MAN1A2: variants seen among roughly 807,000 people sequenced by gnomAD.
The protein encoded by MAN1A2 is mannosyl-oligosaccharide 1,2-alpha-mannosidase IB.
In MAN1A2, 26 loss-of-function variants were observed where a neutral mutation model predicts 75.7. The observed-to-expected ratio is 0.34, with a 90% CI of 0.25 to 0.48. MAN1A2 has a LOEUF of 0.48. Ranked by LOEUF, MAN1A2 falls within the 20% of genes least tolerant of loss-of-function variation. MAN1A2 has a pLI of 0.99. For missense variants in MAN1A2, 562 were observed against 775.5 expected, an observed-to-expected ratio of 0.72 and a Z score of 3.27; for synonymous variants, 247 against 264.6, an observed-to-expected ratio of 0.93 and a Z score of 0.65.
chr1:117,450,863 A>G (rs1465911674), intron 6 of MAN1A2, among the ~76,000 whole-genome samples: 1 of 152,178 alleles, frequency 6.6e-6, no homozygotes, highest in Non-Finnish European at 1.5e-5. Flanking sequence ...TCCAGGTAGA[A>G]GTTTGCTGCA....
intron 6 of MAN1A2, among the ~76,000 whole-genome samples, chr1:117,456,731 C>T (rs1481375720): frequency 6.6e-6 from 1 of 151,976 alleles, no homozygotes; most frequent in Non-Finnish European, 1.5e-5. Flanking sequence ...CTTTTGCTTT[C>T]ATTCAGAATA....
At chr1:117,469,037 G>A (rs1345740734) in intron 8 of MAN1A2, among the ~76,000 whole-genome samples, 1 of 152,018 alleles carries the variant, frequency 6.6e-6, no homozygotes, top group Non-Finnish European at 1.5e-5. Context: ...AGAATTGCCA[G>A]CCTTAAAATG....
chr1:117,489,015 T>G (rs1391585884), intron 8 of MAN1A2, among the ~76,000 whole-genome samples: 1 of 152,034 alleles, frequency 6.6e-6, no homozygotes, highest in Non-Finnish European at 1.5e-5. Flanking sequence ...TATAGATAAT[T>G]CTGAAATTTG....
chr1:117,468,413 T>C (rs567953033), intron 8 of MAN1A2, among the ~76,000 whole-genome samples: 1 of 152,254 alleles, frequency 6.6e-6, no homozygotes, highest in Non-Finnish European at 1.5e-5. Flanking sequence ...TTAAAGTTTA[T>C]TTACAATAAT....
intron 10 of MAN1A2, among the ~76,000 whole-genome samples, chr1:117,497,276 T>C (rs920606740): frequency 6.6e-6 from 1 of 152,014 alleles, no homozygotes; most frequent in Non-Finnish European, 1.5e-5. Flanking sequence ...TATAAGAATC[T>C]ATTTTTGCCA....
intron 12 of MAN1A2, among the ~76,000 whole-genome samples, chr1:117,518,292 T>C (rs1319629034): frequency 6.6e-6 from 1 of 152,032 alleles, no homozygotes; most frequent in African/African-American, 2.4e-5. Flanking sequence ...AAGATAAAAC[T>C]ATTTTTACTT....
At chr1:117,431,737 T>A (rs1348265709) in intron 5 of MAN1A2, among the ~76,000 whole-genome samples, 1 of 152,130 alleles carries the variant, frequency 6.6e-6, no homozygotes, top group Non-Finnish European at 1.5e-5. Flanking sequence ...TTGCTTGAGC[T>A]CAGGAGTTTA....
rs1397232747 is a variant in MAN1A2, at chr1:117,466,405, C to T, written c.1146C>T (p.Pro382=). 3.1e-6 allele frequency: 5 copies of T among 1,610,342 alleles called. No homozygotes were observed. The highest frequency in any genetic ancestry group is 4.2e-6 in the Non-Finnish European group (5 of 1,177,880). The stretch of plus-strand genomic sequence containing the variant: ...GTCTTTATCCAAATTATTTGAACCC[C>T]AGAACAGGGCGCTGGGGTCAGTGTA... ...PNGLYPNYLN[P]RTGRWGQYHT... is the part of the protein sequence containing the mutation. The change falls in exon 8 of 13, where the codon CCC becomes CCT. Residue 382 remains proline (P), a synonymous_variant. Coordinates refer to ENST00000356554, the MANE Select transcript of MAN1A2 (RefSeq NM_006699.5).
intron 5 of MAN1A2, among the ~76,000 whole-genome samples, chr1:117,428,112 T>C (rs1648438420): frequency 6.9e-6 from 1 of 144,102 alleles, no homozygotes; most frequent in East Asian, 2.0e-4. Context: ...TCTCTCTCTC[T>C]ATTTTTTTTT....
chr1:117,378,464 T>C (rs1385012616), intron 1 of MAN1A2, among the ~76,000 whole-genome samples: 2 of 152,234 alleles, frequency 1.3e-5, no homozygotes. Context: ...GCCTATTCAG[T>C]GATTAAACCT....
At chr1:117,373,502 T>G (rs1046276728) in intron 1 of MAN1A2, among the ~76,000 whole-genome samples, 13 of 150,540 alleles carry the variant, frequency 8.6e-5, no homozygotes, top group African/African-American at 2.0e-4. Flanking sequence ...TTTTTTTTTT[T>G]GGGTACATTC....
At chr1:117,391,920 C>G (rs1294326349) in intron 1 of MAN1A2, among the ~76,000 whole-genome samples, 1 of 152,104 alleles carries the variant, frequency 6.6e-6, no homozygotes, top group Non-Finnish European at 1.5e-5. Flanking sequence ...TGTTTAATCA[C>G]TTGCCTAAAT....
At chr1:117,477,053 C>T (rs1040350590) in intron 8 of MAN1A2, among the ~76,000 whole-genome samples, 1 of 151,788 alleles carries the variant, frequency 6.6e-6, no homozygotes, top group African/African-American at 2.4e-5. Flanking sequence ...GTTTGAATTC[C>T]TGGACACATA....
At chr1:117,485,248 T>TA (rs1650635840) in intron 8 of MAN1A2, among the ~76,000 whole-genome samples, 1 of 151,958 alleles carries the variant, frequency 6.6e-6, no homozygotes, top group African/African-American at 2.4e-5. Context: ...AATAAGAAGT[T>TA]AAGCATGTAT....
chr1:117,415,664 AT>A (rs59397164), intron 4 of MAN1A2, among the ~76,000 whole-genome samples: 92,314 of 151,506 alleles, frequency 0.61, 28,423 homozygotes, highest in Non-Finnish European at 0.65. Flanking sequence ...ATAGATATTT[AT>A]TTTTTTTTCA....
chr1:117,490,940 C>T (rs1029041554), intron 8 of MAN1A2, among the ~76,000 whole-genome samples: 2 of 150,492 alleles, frequency 1.3e-5, no homozygotes, highest in African/African-American at 4.9e-5. Flanking sequence ...TAGCTCTCTT[C>T]AATTCTGTGA....
chr1:117,376,739 G>A (rs1298409790), intron 1 of MAN1A2, among the ~76,000 whole-genome samples: 1 of 152,230 alleles, frequency 6.6e-6, no homozygotes, highest in Non-Finnish European at 1.5e-5. Context: ...TTCCACATGT[G>A]TGGATTCAAC....
At chr1:117,395,774 ACACAGTTCTT>A (rs1426725397) in intron 1 of MAN1A2, among the ~76,000 whole-genome samples, 1 of 152,158 alleles carries the variant, frequency 6.6e-6, no homozygotes, top group East Asian at 1.9e-4. Context: ...AAGTTTGAGG[ACACAGTTCTT>A]CACATGACCA....
intron 12 of MAN1A2, among the ~76,000 whole-genome samples, chr1:117,509,753 A>G (rs892657511): frequency 2.0e-5 from 3 of 151,786 alleles, no homozygotes; most frequent in African/African-American, 7.2e-5. Context: ...GCTTTTTTTG[A>G]ATTATAAAAA....
Sources: allele counts gnomAD v4.1 joint callset (sites outside exome capture counted in the v4.1 genomes callset), GRCh38; gene constraint gnomAD v4.1.1; transcripts MANE v1.5; gene names NCBI Gene and HGNC (gene_info 2026-07-23, HGNC 2026-07-21).